JARID2: variants seen among roughly 807,000 people sequenced by gnomAD.
The protein encoded by JARID2 is protein Jumonji.
JARID2 carries 21 observed loss-of-function variants against 125.6 expected under a neutral mutation model. That is an observed-to-expected ratio of 0.17 (90% confidence interval 0.12 to 0.24). The LOEUF is 0.24. JARID2 is among the 10% of genes least tolerant of loss of function. JARID2 has a pLI of 1.00. For synonymous variants in JARID2, 736 were observed against 661.6 expected, an observed-to-expected ratio of 1.11 and a Z score of -1.73; for missense variants, 1,303 against 1,639.6, an observed-to-expected ratio of 0.79 and a Z score of 3.55.
At chr6:15,515,310 C>A (rs1465312958) in intron 16 of JARID2, among the ~76,000 whole-genome samples, 1 of 152,156 alleles carries the variant, frequency 6.6e-6, no homozygotes, top group Non-Finnish European at 1.5e-5. Context: ...CTGCGCCCAG[C>A]TGTCCATCCT....
intron 2 of JARID2, among the ~76,000 whole-genome samples, chr6:15,375,403 C>T (rs1299730759): frequency 6.6e-6 from 1 of 152,176 alleles, no homozygotes; most frequent in East Asian, 1.9e-4. Context: ...CCATTAAGGC[C>T]ATAGTGGCTC....
chr6:15,313,342 T>C (rs771866810), intron 1 of JARID2, among the ~76,000 whole-genome samples: 6 of 152,220 alleles, frequency 3.9e-5, no homozygotes, highest in Non-Finnish European at 8.8e-5. Flanking sequence ...GCGCTGTGGC[T>C]GAGAACCAGT....
chr6:15,399,128 A>C (rs1765326248), intron 2 of JARID2, among the ~76,000 whole-genome samples: 1 of 152,220 alleles, frequency 6.6e-6, no homozygotes, highest in South Asian at 2.1e-4. Context: ...TTCACTGTTA[A>C]CAGGAACGTG....
chr6:15,384,168 A>G (rs922321830), intron 2 of JARID2, among the ~76,000 whole-genome samples: 1 of 151,942 alleles, frequency 6.6e-6, no homozygotes, highest in Non-Finnish European at 1.5e-5. Context: ...GGTCGACCAC[A>G]GCTCATTGCA....
chr6:15,451,075 A>AT, intron 3 of JARID2, among the ~76,000 whole-genome samples: 1 of 152,350 alleles, frequency 6.6e-6, no homozygotes, highest in South Asian at 2.1e-4. Context: ...AGGTAGGAGA[A>AT]TCGCTTGAAC....
intron 2 of JARID2, 129 bp from the exon 3 acceptor site, chr6:15,410,094 GT>G: frequency 1.3e-6 from 1 of 791,094 alleles, no homozygotes; most frequent in Non-Finnish European, 1.9e-6. Flanking sequence ...CAAAAGGGAT[GT>G]GTGCTTTTAA....
At position 15,351,980 on chromosome 6, in the gene JARID2, G is replaced by A. The variant is rs997540444; in HGVS notation, c.46-22137G>A. On this transcript the variant is annotated intron_variant, in intron 1 of 17. Coordinates refer to ENST00000341776, the MANE Select transcript of JARID2 (RefSeq NM_004973.4). The stretch of plus-strand genomic sequence containing the variant: ...CTACTGTACATATCCTTTTAAAAAA[G>A]GATAATCACTGCGCCGAATCTGAGG... Among the ~76,000 whole-genome samples the A allele has an allele frequency of 1.4e-4, 22 of 152,234 alleles. 1 individual carries two copies. Among genetic ancestry groups the A allele is most frequent in the African/African-American group, 5.3e-4 (22 of 41,544 alleles).
At chr6:15,442,800 A>G (rs1767504367) in intron 3 of JARID2, among the ~76,000 whole-genome samples, 1 of 152,222 alleles carries the variant, frequency 6.6e-6, no homozygotes, top group Non-Finnish European at 1.5e-5. Flanking sequence ...TTCCTTGATC[A>G]TGACAGTCAT....
chr6:15,345,547 C>G (rs1763216996), intron 1 of JARID2, among the ~76,000 whole-genome samples: 1 of 152,160 alleles, frequency 6.6e-6, no homozygotes, highest in African/African-American at 2.4e-5. Flanking sequence ...AATTCAACCT[C>G]TTGGAATTTT....
chr6:15,347,288 A>G (rs1763275020), intron 1 of JARID2, among the ~76,000 whole-genome samples: 1 of 152,224 alleles, frequency 6.6e-6, no homozygotes, highest in South Asian at 2.1e-4. Context: ...GAAAGTATTT[A>G]GAAAGGAAGT....
At chr6:15,502,982 T>G (rs1770814437) in intron 8 of JARID2, among the ~76,000 whole-genome samples, 1 of 152,262 alleles carries the variant, frequency 6.6e-6, no homozygotes. Flanking sequence ...AATGAGAAAC[T>G]GTCAACGTTT....
chr6:15,354,420 A>C (rs1429738823), intron 1 of JARID2, among the ~76,000 whole-genome samples: 1 of 152,240 alleles, frequency 6.6e-6, no homozygotes, highest in Admixed American at 6.5e-5. Context: ...GTGTTTTAAG[A>C]CAGAAATGTG....
chr6:15,516,567 C>T (rs1771572517), intron 16 of JARID2, among the ~76,000 whole-genome samples: 1 of 152,184 alleles, frequency 6.6e-6, no homozygotes, highest in South Asian at 2.1e-4. Flanking sequence ...TCACAGCGGT[C>T]AGGAATCTGT....
intron 7 of JARID2, among the ~76,000 whole-genome samples, chr6:15,499,851 C>T (rs1428996965): frequency 6.6e-6 from 1 of 152,136 alleles, no homozygotes; most frequent in African/African-American, 2.4e-5. Context: ...TGCTGGTGTG[C>T]TGGGAACTCG....
chr6:15,349,013 A>T (rs1763338679), intron 1 of JARID2, among the ~76,000 whole-genome samples: 2 of 152,236 alleles, frequency 1.3e-5, no homozygotes, highest in Admixed American at 1.3e-4. Flanking sequence ...TTTCACATTA[A>T]CTGTGTGTGT....
At chr6:15,318,266 A>G (rs1762243705) in intron 1 of JARID2, among the ~76,000 whole-genome samples, 1 of 152,164 alleles carries the variant, frequency 6.6e-6, no homozygotes. Flanking sequence ...TAAACTTCAA[A>G]GAGAAAGCTG....
chr6:15,251,276 A>G (rs920246586), intron 1 of JARID2, among the ~76,000 whole-genome samples: 4 of 152,224 alleles, frequency 2.6e-5, no homozygotes, highest in African/African-American at 9.6e-5. Context: ...TTGGCCTCCC[A>G]AAGTGCTGGG....
intron 1 of JARID2, among the ~76,000 whole-genome samples, chr6:15,345,660 C>T (rs1388922951): frequency 2.0e-5 from 3 of 152,218 alleles, no homozygotes; most frequent in Non-Finnish European, 2.9e-5. Context: ...TATACATTTT[C>T]TAGCTTTTAT....
At chr6:15,256,441 G>A (rs1408342039) in intron 1 of JARID2, among the ~76,000 whole-genome samples, 1 of 152,210 alleles carries the variant, frequency 6.6e-6, no homozygotes, top group East Asian at 1.9e-4. Context: ...TGTGCACGAA[G>A]ATGTTTAAAG....
Sources: allele counts gnomAD v4.1 joint callset (sites outside exome capture counted in the v4.1 genomes callset), GRCh38; gene constraint gnomAD v4.1.1; transcripts MANE v1.5; gene names NCBI Gene and HGNC (gene_info 2026-07-23, HGNC 2026-07-21).